The following ZFYVE28 variants were observed in gnomAD, a reference collection of about 807,000 sequenced individuals.
The protein encoded by ZFYVE28 is zinc finger FYVE-type containing 28.
Under a neutral mutation model 82.1 loss-of-function variants are expected in ZFYVE28, and 40 were observed. The observed-to-expected ratio is 0.49, with a 90% CI of 0.38 to 0.63. The LOEUF is 0.63. ZFYVE28 is among the 30% of genes least tolerant of loss of function. ZFYVE28 has a pLI of 0.00. For synonymous variants in ZFYVE28, 612 were observed against 546.1 expected, an observed-to-expected ratio of 1.12 and a Z score of -1.68; for missense variants, 1,321 against 1,242.1, an observed-to-expected ratio of 1.06 and a Z score of -0.96.
chr4:2,290,157 A>T (rs1713392163), intron 8 of ZFYVE28, among the ~76,000 whole-genome samples: 1 of 152,088 alleles, frequency 6.6e-6, no homozygotes, highest in Non-Finnish European at 1.5e-5. Context: ...CACGTGCAAG[A>T]TCTCCTCAGG....
chr4:2,272,704 G>A (rs528398322), intron 10 of ZFYVE28, among the ~76,000 whole-genome samples: 10 of 152,294 alleles, frequency 6.6e-5, no homozygotes, highest in African/African-American at 1.7e-4. Flanking sequence ...AGGCGGGTTC[G>A]GGGTGGGCAG....
In ZFYVE28 at chr4:2,408,634, C is replaced by T. The variant is rs938392566; in HGVS notation, c.39+9651G>A. On this transcript the variant is annotated intron_variant, in intron 1 of 12. Coordinates refer to ENST00000290974, the MANE Select transcript of ZFYVE28 (RefSeq NM_020972.3). The surrounding 1 kb of genome is among the most constrained non-coding windows in gnomAD (Gnocchi z 4.3). ...TGAAGCCCCACCCAGGTAAGCCCACCTAGATGATGGCGCCCCATCCAGATA... is the reference window on the plus strand; with the variant it reads ...TGAAGCCCCACCCAGGTAAGCCCACTTAGATGATGGCGCCCCATCCAGATA... Among the ~76,000 whole-genome samples the T allele has an allele frequency of 3.3e-5, 5 of 152,172 alleles. No individual in the cohort carries two copies. Among genetic ancestry groups the T allele is most frequent in the African/African-American group, 4.8e-5 (2 of 41,442 alleles).
rs1026739058 is a variant in ZFYVE28, at chr4:2,270,424, G to A, written c.*301C>T. On this transcript the variant is annotated 3_prime_UTR_variant, in exon 13 of 13. Transcript: ENST00000290974. ...ATTCCCATAGCCCCAGCAGATCTCC[G>A]AGGGACCAGTGGGAGGGCCCAGGCC... 7.1e-5 allele frequency: 31 copies of A among 439,220 alleles called. No homozygotes were observed. The highest frequency in any genetic ancestry group is 6.6e-4 in the Middle Eastern group (1 of 1,512). 27.2% of individuals were successfully genotyped at this position (439,220 alleles called of 1,614,324 possible). A position where few individuals can be genotyped will look rare whatever the true frequency, so the allele number is the denominator to read the frequency against.
intron 1 of ZFYVE28, among the ~76,000 whole-genome samples, chr4:2,387,890 G>T (rs1365537059): frequency 6.6e-6 from 1 of 152,234 alleles, no homozygotes; most frequent in Non-Finnish European, 1.5e-5. Context: ...AAGACTGTCG[G>T]ACAGCAGGAC....
intron 8 of ZFYVE28, among the ~76,000 whole-genome samples, chr4:2,289,898 G>A (rs1388561875): frequency 1.4e-5 from 2 of 146,738 alleles, no homozygotes; most frequent in Non-Finnish European, 3.0e-5. Context: ...CTGAGCCCCC[G>A]ATCCTCATCA....
At chr4:2,351,253 G>T (rs1039658360) in intron 2 of ZFYVE28, among the ~76,000 whole-genome samples, 7 of 152,158 alleles carry the variant, frequency 4.6e-5, no homozygotes, top group African/African-American at 1.7e-4. Flanking sequence ...TCGGTGTGTG[G>T]GGAATACCCT....
intron 8 of ZFYVE28, among the ~76,000 whole-genome samples, chr4:2,285,178 C>A (rs1307756838): frequency 2.6e-5 from 2 of 77,950 alleles, no homozygotes; most frequent in African/African-American, 2.1e-4. Context: ...CTTCTGTAAG[C>A]CAAGTACACA....
At position 2,270,554 on chromosome 4, in the gene ZFYVE28, T is replaced by G. The variant is rs1332096582; in HGVS notation, c.*171A>C. ...GCCCCTGCAGCCGGCCCGGGGTCCC[T>G]GCAGGGAGGCTAGCGTGGGCAGGAC... On this transcript the variant is annotated 3_prime_UTR_variant, in exon 13 of 13. Coordinates refer to ENST00000290974, the MANE Select transcript of ZFYVE28 (RefSeq NM_020972.3). The G allele has an allele frequency of 2.9e-5, 29 of 1,013,518 alleles. No homozygotes were observed. Among genetic ancestry groups the G allele is most frequent in the Non-Finnish European group, 3.7e-5 (26 of 700,336 alleles). 62.8% of individuals were successfully genotyped at this position (1,013,518 alleles called of 1,614,324 possible).
At chr4:2,273,114 G>A in intron 10 of ZFYVE28, 59 bp downstream of exon 10, 2 of 1,409,372 alleles carry the variant, frequency 1.4e-6, no homozygotes, top group Non-Finnish European at 2.0e-6. Flanking sequence ...ACCCCTCCCT[G>A]TGGGCAGGGA....
chr4:2,366,200 C>T (rs376376890), intron 1 of ZFYVE28, among the ~76,000 whole-genome samples: 13 of 152,224 alleles, frequency 8.5e-5, no homozygotes, highest in African/African-American at 1.4e-4. Flanking sequence ...GAACTCTACA[C>T]GCACCAAAAA....
Position 2,354,061 on chromosome 4 carries a change from G to A in ZFYVE28, c.52C>T (p.Gln18Ter). The change falls in exon 2 of 13, where the codon CAG becomes TAG. Residue 18 changes from glutamine to a stop codon, truncating the protein, a stop_gained. Coordinates refer to ENST00000290974, the MANE Select transcript of ZFYVE28 (RefSeq NM_020972.3). LOFTEE classifies it high-confidence loss of function. ...GCATAGTAGAACCGGGCAAGCAGCTGCGGATCCGACCTCTGCAGGAGAGAG... is the reference window on the plus strand; with the variant it reads ...GCATAGTAGAACCGGGCAAGCAGCTACGGATCCGACCTCTGCAGGAGAGAG... Reference protein sequence around the residue: ...WLYKPKRSDPQLLARFYYADE... With the variant: ...WLYKPKRSDP 1 of 1,568,238 alleles carries A rather than the reference G, an allele frequency of 6.4e-7. No individual in the cohort carries two copies. Among genetic ancestry groups the A allele is most frequent in the East Asian group, 2.4e-5 (1 of 41,670 alleles).
At chr4:2,301,975 C>G (rs1715614864) in intron 8 of ZFYVE28, among the ~76,000 whole-genome samples, 1 of 152,212 alleles carries the variant, frequency 6.6e-6, no homozygotes, top group African/African-American at 2.4e-5. Context: ...CAAGCCAGCA[C>G]TTGGGCCCGA....
intron 7 of ZFYVE28, among the ~76,000 whole-genome samples, chr4:2,308,990 A>G (rs1376718657): frequency 3.3e-5 from 5 of 152,134 alleles, no homozygotes; most frequent in African/African-American, 9.7e-5. Context: ...TACGTATTTG[A>G]TATTTACTGG....
chr4:2,382,026 C>T (rs1311239020), intron 1 of ZFYVE28, among the ~76,000 whole-genome samples: 1 of 152,230 alleles, frequency 6.6e-6, no homozygotes, highest in Non-Finnish European at 1.5e-5. Context: ...AGGGTGCAAG[C>T]CCCAAGCCTT....
intron 1 of ZFYVE28, among the ~76,000 whole-genome samples, chr4:2,382,292 C>T (rs1195623869): frequency 6.6e-6 from 1 of 152,246 alleles, no homozygotes. Flanking sequence ...GTCCTTCAGA[C>T]CCCAGAATGG....
chr4:2,339,719 C>G lies in ZFYVE28; in HGVS notation c.319-64G>C. ...GGGCCAGGCTCTCAGGGGTCGCCGA[C>G]CCGGGGAACCTGACTGCGCACCTCG... is the stretch of plus-strand genomic sequence containing the variant. On this transcript the variant is annotated intron_variant, in intron 3 of 12. Coordinates refer to ENST00000290974, the MANE Select transcript of ZFYVE28 (RefSeq NM_020972.3). The surrounding 1 kb of genome is among the most constrained non-coding windows in gnomAD (Gnocchi z 5.0). 2 of 1,469,128 alleles carry G rather than the reference C, an allele frequency of 1.4e-6. No homozygotes were observed. The highest frequency in any genetic ancestry group is 1.8e-6 in the Non-Finnish European group (2 of 1,100,726). The allele number at this position is 1,469,128 out of a possible 1,614,324, so 91.0% of individuals were successfully genotyped here. A position where few individuals can be genotyped will look rare whatever the true frequency, so the allele number is the denominator to read the frequency against.
chr4:2,387,684 T>A (rs558406283), intron 1 of ZFYVE28, among the ~76,000 whole-genome samples: 2 of 152,152 alleles, frequency 1.3e-5, no homozygotes, highest in Non-Finnish European at 2.9e-5. Flanking sequence ...GAATACTGGT[T>A]GAACAAGCGT....
intron 1 of ZFYVE28, among the ~76,000 whole-genome samples, chr4:2,381,564 G>A (rs567410161): frequency 2.6e-5 from 4 of 152,150 alleles, no homozygotes; most frequent in African/African-American, 9.6e-5. Context: ...GCACCACCAT[G>A]CCCGGCTAAT....
intron 1 of ZFYVE28, among the ~76,000 whole-genome samples, chr4:2,415,900 G>A (rs1212755164): frequency 6.6e-6 from 1 of 152,178 alleles, no homozygotes; most frequent in Non-Finnish European, 1.5e-5. Context: ...CTGCCCACAG[G>A]GCACCAGCTC....
Sources: allele counts gnomAD v4.1 joint callset (sites outside exome capture counted in the v4.1 genomes callset), GRCh38; gene constraint gnomAD v4.1.1; non-coding constraint Gnocchi (gnomAD v3.1); transcripts MANE v1.5; gene names NCBI Gene and HGNC (gene_info 2026-07-23, HGNC 2026-07-21).